The following VRK2 variants were observed in gnomAD, a reference collection of about 807,000 sequenced individuals.
The protein encoded by VRK2 is VRK serine/threonine kinase 2, also known as serine/threonine-protein kinase VRK2.
A neutral mutation model predicts 57.6 loss-of-function variants in VRK2; 60 were observed. The observed-to-expected ratio is 1.04, with a 90% CI of 0.85 to 1.29. The LOEUF is 1.29. Ranked by LOEUF, VRK2 falls within the 50% of genes most tolerant of loss-of-function variation. The probability of loss-of-function intolerance (pLI) is 0.00; values close to 1 mark genes in which losing one functional copy is unlikely to be tolerated. For missense variants in VRK2, 705 were observed against 588.1 expected (o/e 1.20, Z -2.06); for synonymous variants, 231 against 199.2 (o/e 1.16, Z -1.35).
At chr2:57,941,293 A>G (rs1248149099) in intron 1 of VRK2, among the ~76,000 whole-genome samples, 2 of 152,242 alleles carry the variant, frequency 1.3e-5, no homozygotes, top group Non-Finnish European at 2.9e-5. Flanking sequence ...TAAGAGTGAC[A>G]TATAAGTTCT....
chr2:57,942,923 C>A (rs978792135), intron 1 of VRK2, among the ~76,000 whole-genome samples: 1 of 152,134 alleles, frequency 6.6e-6, no homozygotes, highest in Admixed American at 6.5e-5. Context: ...GCACTTCTGA[C>A]AATGCCTTAG....
chr2:58,009,111 C>G (rs1673342229), intron 1 of VRK2, among the ~76,000 whole-genome samples: 1 of 152,140 alleles, frequency 6.6e-6, no homozygotes, highest in Admixed American at 6.5e-5. Flanking sequence ...AGCCCATTGG[C>G]AACTCCTGAA....
chr2:58,050,221 A>G (rs1346036277), intron 2 of VRK2, among the ~76,000 whole-genome samples: 4 of 152,230 alleles, frequency 2.6e-5, no homozygotes, highest in South Asian at 2.1e-4. Context: ...TATTATTTCA[A>G]TATGCTCTCA....
chr2:57,961,272 T>TA (rs1455457205), intron 1 of VRK2, among the ~76,000 whole-genome samples: 1 of 152,184 alleles, frequency 6.6e-6, no homozygotes, highest in Non-Finnish European at 1.5e-5. Context: ...TTCATGCAGT[T>TA]ATCTGTCCAG....
intron 1 of VRK2, among the ~76,000 whole-genome samples, chr2:57,963,956 C>A (rs1417653440): frequency 6.6e-6 from 1 of 152,172 alleles, no homozygotes; most frequent in African/African-American, 2.4e-5. Flanking sequence ...TGTCATGTTA[C>A]CATCTAAAAT....
At chr2:58,043,885 G>A (rs1483714039), upstream of VRK2, among the ~76,000 whole-genome samples, 1 of 152,180 alleles carries the variant, frequency 6.6e-6, no homozygotes, top group East Asian at 1.9e-4. Context: ...TAACTTATTA[G>A]TATTTTTTGA....
chr2:57,995,492 T>C (rs1672896413), intron 1 of VRK2, among the ~76,000 whole-genome samples: 1 of 152,340 alleles, frequency 6.6e-6, no homozygotes, highest in Admixed American at 6.5e-5. Flanking sequence ...TCATTCATTA[T>C]CAAGAAAAAA....
upstream of VRK2, among the ~76,000 whole-genome samples, chr2:58,042,215 A>C (rs1012477466): frequency 4.6e-5 from 7 of 152,228 alleles, no homozygotes; most frequent in Non-Finnish European, 7.3e-5. Flanking sequence ...ACAATGAAGA[A>C]TTATGTCATT....
chr2:57,956,249 G>A (rs1671583201), intron 1 of VRK2, among the ~76,000 whole-genome samples: 2 of 152,206 alleles, frequency 1.3e-5, no homozygotes, highest in South Asian at 2.1e-4. Context: ...GCTGGGCATG[G>A]TGATGCATGC....
intron 2 of VRK2, among the ~76,000 whole-genome samples, chr2:58,032,579 T>C (rs1162604668): frequency 6.6e-6 from 1 of 151,200 alleles, no homozygotes; most frequent in African/African-American, 2.4e-5. Context: ...CTCCATCCTT[T>C]CTCAATTGTA....
In VRK2 at chr2:58,157,428, A is replaced by T. The variant is rs975912757; in HGVS notation, c.1183-1921A>T. ...GCATCATTCCTAGTACTTATCTACT[A>T]GGTGTCAATAGTATCTCCTCCTAGC... On this transcript the variant is annotated intron_variant, in intron 12 of 12. Coordinates refer to ENST00000340157, the MANE Select transcript of VRK2 (RefSeq NM_006296.7). 5.9e-5 allele frequency among the ~76,000 whole-genome samples: 9 copies of T among 152,266 alleles called. No individual in the cohort carries two copies. The East Asian group carries it at 1.7e-3, about 29-fold the overall frequency.
At chr2:57,945,872 T>G (rs2103966445) in intron 1 of VRK2, among the ~76,000 whole-genome samples, 1 of 152,308 alleles carries the variant, frequency 6.6e-6, no homozygotes, top group African/African-American at 2.4e-5. Flanking sequence ...AAGTAAGACA[T>G]GTAAATAGTG....
intron 11 of VRK2, 40 bp downstream of exon 11, chr2:58,139,872 A>G (rs1427350367): frequency 2.8e-5 from 43 of 1,517,492 alleles, no homozygotes; most frequent in Admixed American, 3.9e-5. Flanking sequence ...ATTACCTTCT[A>G]TGATACTTTT....
intron 7 of VRK2, among the ~76,000 whole-genome samples, chr2:58,104,580 GA>G (rs1674473336): frequency 6.6e-6 from 1 of 151,720 alleles, no homozygotes; most frequent in African/African-American, 2.4e-5. Flanking sequence ...CAAACAAATG[GA>G]AAAACATTCC....
chr2:57,992,415 G>C (rs986785969), intron 1 of VRK2, among the ~76,000 whole-genome samples: 1 of 152,226 alleles, frequency 6.6e-6, no homozygotes, highest in Non-Finnish European at 1.5e-5. Context: ...CCAGAGTAGG[G>C]AACATGTACC....
chr2:58,144,863 G>A (rs890884666), intron 11 of VRK2, among the ~76,000 whole-genome samples: 3 of 151,956 alleles, frequency 2.0e-5, no homozygotes, highest in Non-Finnish European at 4.4e-5. Flanking sequence ...GAGTGGTGTT[G>A]TGACAATTTA....
chr2:58,108,996 G>A (rs1327773196), intron 7 of VRK2, among the ~76,000 whole-genome samples: 2 of 152,122 alleles, frequency 1.3e-5, no homozygotes, highest in Admixed American at 1.3e-4. Context: ...CTTATGTAAA[G>A]TACTTAATGC....
chr2:58,097,257 A>T (rs542054648), intron 7 of VRK2, among the ~76,000 whole-genome samples: 1 of 152,016 alleles, frequency 6.6e-6, no homozygotes, highest in Non-Finnish European at 1.5e-5. Flanking sequence ...AGTGGTGTTT[A>T]AACGTCTACT....
chr2:57,996,176 G>A (rs1270879480), intron 1 of VRK2, among the ~76,000 whole-genome samples: 1 of 152,078 alleles, frequency 6.6e-6, no homozygotes, highest in Non-Finnish European at 1.5e-5. Context: ...CATATCCTTG[G>A]GGGATAAGGA....
Sources: allele counts gnomAD v4.1 joint callset (sites outside exome capture counted in the v4.1 genomes callset), GRCh38; gene constraint gnomAD v4.1.1; transcripts MANE v1.5; gene names NCBI Gene and HGNC (gene_info 2026-07-23, HGNC 2026-07-21).